BBS9: variants seen among roughly 807,000 people sequenced by gnomAD.
BBS9 encodes Bardet-Biedl syndrome 9.
A neutral mutation model predicts 117.7 loss-of-function variants in BBS9; 89 were observed. The observed-to-expected ratio is 0.76, with a 90% CI of 0.64 to 0.90. The LOEUF (loss-of-function observed/expected upper bound fraction) is 0.90, where lower values mean the gene tolerates loss of function less well. BBS9 is among the 40% of genes least tolerant of loss of function. The probability of loss-of-function intolerance (pLI) is 0.00; values close to 1 mark genes in which losing one functional copy is unlikely to be tolerated. For missense variants in BBS9, 982 were observed against 1,042.2 expected (o/e 0.94, Z 0.80); for synonymous variants, 379 against 370.9 (o/e 1.02, Z -0.25).
intron 21 of BBS9, among the ~76,000 whole-genome samples, chr7:33,625,715 A>G (rs986282811): frequency 2.0e-5 from 3 of 152,312 alleles, no homozygotes; most frequent in African/African-American, 2.4e-5. Flanking sequence ...AACAGATCCA[A>G]TTCTCCTACT....
In BBS9 at chr7:33,348,985, C is replaced by T; in HGVS notation, c.1330-83C>T. 3 of 941,534 alleles carry T rather than the reference C, an allele frequency of 3.2e-6. No individual in the cohort carries two copies. In the South Asian group the frequency reaches 4.0e-5, roughly 12 times the overall value. The allele number at this position is 941,534 out of a possible 1,614,324, so 58.3% of individuals were successfully genotyped here. ...TCAGGTAATATTTTCTAATTATTTG[C>T]TAGTTATGTTTAAGTAGTTACGATA... On this transcript the variant is annotated intron_variant, in intron 12 of 22. Transcript: ENST00000242067.
rs572476584 is a variant in BBS9, at chr7:33,141,081, G to A, written c.-11-5161G>A. Among the ~76,000 whole-genome samples, 35 of 151,924 alleles carry A rather than the reference G, an allele frequency of 2.3e-4. No homozygotes were observed. The South Asian group carries it at 2.9e-3, about 13-fold the overall frequency. ...CAAAACCATCAAATTTGTTTTTTTCGTAGAGACTGGGTCTCTGTTACATAG... is the reference window on the plus strand; with the variant it reads ...CAAAACCATCAAATTTGTTTTTTTCATAGAGACTGGGTCTCTGTTACATAG... On this transcript the variant is annotated intron_variant, in intron 1 of 22. Coordinates refer to ENST00000242067, the MANE Select transcript of BBS9 (RefSeq NM_198428.3).
At chr7:33,474,914 C>A (rs1584954531) in intron 19 of BBS9, among the ~76,000 whole-genome samples, 1 of 152,186 alleles carries the variant, frequency 6.6e-6, no homozygotes, top group African/African-American at 2.4e-5. Flanking sequence ...CATTGCACTC[C>A]AGCCTGGTGA....
intron 4 of BBS9, among the ~76,000 whole-genome samples, chr7:33,162,537 G>A (rs1234760170): frequency 6.6e-6 from 1 of 152,036 alleles, no homozygotes; most frequent in Non-Finnish European, 1.5e-5. Flanking sequence ...TCCTTGAAGA[G>A]GTCCTTCACA....
chr7:33,441,500 T>G (rs1417171382), intron 19 of BBS9, among the ~76,000 whole-genome samples: 1 of 152,216 alleles, frequency 6.6e-6, no homozygotes, highest in Non-Finnish European at 1.5e-5. Context: ...GAAACTTAAT[T>G]CATCATTTAA....
intron 5 of BBS9, among the ~76,000 whole-genome samples, chr7:33,247,713 C>G (rs2128294984): frequency 6.6e-6 from 1 of 152,274 alleles, no homozygotes; most frequent in South Asian, 2.1e-4. Flanking sequence ...TCTCCTAGCA[C>G]ATACTAGGTG....
intron 8 of BBS9, 80 bp downstream of exon 8, chr7:33,273,275 C>T: frequency 7.3e-7 from 1 of 1,370,146 alleles, no homozygotes; most frequent in Non-Finnish European, 1.0e-6. Flanking sequence ...CACTCATACA[C>T]ATATTGTAAA....
chr7:33,380,390 CAAGGAGG>C (rs1824763361), intron 17 of BBS9: 1 of 156,482 alleles, frequency 6.4e-6, no homozygotes, highest in South Asian at 2.0e-4. Context: ...TCACCTTGGA[CAAGGAGG>C]TGGATGTGAC....
intron 21 of BBS9, among the ~76,000 whole-genome samples, chr7:33,618,892 G>A (rs1865272320): frequency 6.6e-6 from 1 of 151,890 alleles, no homozygotes; most frequent in Admixed American, 6.6e-5. Context: ...GAAAGAGAAA[G>A]AAAGCTTACC....
At chr7:33,365,042 T>G (rs1821409569) in intron 16 of BBS9, among the ~76,000 whole-genome samples, 1 of 152,056 alleles carries the variant, frequency 6.6e-6, no homozygotes, top group Non-Finnish European at 1.5e-5. Context: ...TTGTATTTTT[T>G]CAGCTCCAAA....
At chr7:33,191,786 G>A (rs573417325) in intron 5 of BBS9, among the ~76,000 whole-genome samples, 1 of 152,314 alleles carries the variant, frequency 6.6e-6, no homozygotes, top group South Asian at 2.1e-4. Context: ...TCGGGGGCAT[G>A]TCTCAAATTA....
rs895784655 is a variant in BBS9 at position 33,632,317 on chromosome 7, C to T, written c.2522-2860C>T. On this transcript the variant is annotated intron_variant, in intron 21 of 21. Transcript: ENST00000671952. ...GTTCACTCTTCAATGTTCCACCGACCCTATGGTGGGGGGATCGCTGCTTTC... is the reference window on the plus strand; with the variant it reads ...GTTCACTCTTCAATGTTCCACCGACTCTATGGTGGGGGGATCGCTGCTTTC... 3.1e-4 allele frequency among the ~76,000 whole-genome samples: 47 copies of T among 152,186 alleles called. 1 individual carries two copies. The highest frequency in any genetic ancestry group is 6.5e-5 in the Admixed American group (1 of 15,286).
At chr7:33,180,761 G>A (rs1454033242) in intron 5 of BBS9, among the ~76,000 whole-genome samples, 1 of 152,130 alleles carries the variant, frequency 6.6e-6, no homozygotes. Flanking sequence ...TGGAGAACAG[G>A]TCTCCAGTTG....
At chr7:33,222,669 C>T (rs1053336728) in intron 5 of BBS9, among the ~76,000 whole-genome samples, 1 of 151,878 alleles carries the variant, frequency 6.6e-6, no homozygotes, top group Non-Finnish European at 1.5e-5. Context: ...TTTGTGGCGC[C>T]AGGTGCGGTG....
rs995580120 is a variant in BBS9, at chr7:33,323,956, G to C, written c.1017-12485G>C. 6.0e-5 allele frequency among the ~76,000 whole-genome samples: 9 copies of C among 150,296 alleles called. No individual in the cohort carries two copies. In the Admixed American group the frequency reaches 6.0e-4, roughly 10 times the overall value. Reference sequence around the variant, plus strand: ...GGGTTCAAGCAATTCTCCTGCGTCAGCCTCTCGAGCAGCTGAGATTACAGG... The same window carrying C: ...GGGTTCAAGCAATTCTCCTGCGTCACCCTCTCGAGCAGCTGAGATTACAGG... On this transcript the variant is annotated intron_variant, in intron 9 of 22. Transcript: ENST00000242067.
At chr7:33,346,973 T>C (rs574951964) in intron 12 of BBS9, among the ~76,000 whole-genome samples, 84 of 152,134 alleles carry the variant, frequency 5.5e-4, no homozygotes, top group Non-Finnish European at 1.0e-3. Flanking sequence ...AACTGTAAAA[T>C]AGGGATACTT....
chr7:33,376,003 C>A (rs976586175), intron 17 of BBS9, among the ~76,000 whole-genome samples: 2 of 151,898 alleles, frequency 1.3e-5, no homozygotes, highest in African/African-American at 2.4e-5. Flanking sequence ...AATATCACAC[C>A]TTTTTAAATG....
intron 9 of BBS9, among the ~76,000 whole-genome samples, chr7:33,282,873 G>A (rs1330336164): frequency 6.6e-6 from 1 of 152,072 alleles, no homozygotes; most frequent in African/African-American, 2.4e-5. Context: ...TCAAATTTTG[G>A]TAGTGTCTAT....
intron 5 of BBS9, among the ~76,000 whole-genome samples, chr7:33,235,061 T>G (rs1451203653): frequency 6.6e-6 from 1 of 152,146 alleles, no homozygotes; most frequent in Non-Finnish European, 1.5e-5. Context: ...CTTTTAAATG[T>G]GAAAATGCCA....
Sources: allele counts gnomAD v4.1 joint callset (sites outside exome capture counted in the v4.1 genomes callset), GRCh38; gene constraint gnomAD v4.1.1; transcripts MANE v1.5; gene names NCBI Gene and HGNC (gene_info 2026-07-23, HGNC 2026-07-21).